The following SLC9B1 variants were observed in gnomAD, a reference collection of about 807,000 sequenced individuals.
SLC9B1 encodes the protein sodium/hydrogen exchanger 9B1.
In SLC9B1, 32 loss-of-function variants were observed where a neutral mutation model predicts 51.7. The ratio of observed to expected loss-of-function variants is 0.62; its 90% CI spans 0.47 to 0.83. The LOEUF is 0.83. SLC9B1 is among the 40% of genes least tolerant of loss of function. The probability of loss-of-function intolerance (pLI) is 0.00; values close to 1 mark genes in which losing one functional copy is unlikely to be tolerated. For synonymous variants in SLC9B1, 145 were observed against 212.7 expected, an observed-to-expected ratio of 0.68 and a Z score of 2.77; for missense variants, 406 against 613.2, an observed-to-expected ratio of 0.66 and a Z score of 3.57.
chr4:102,997,389 G>A (rs1049633228), intron 1 of SLC9B1, among the ~76,000 whole-genome samples: 13 of 152,034 alleles, frequency 8.6e-5, no homozygotes, highest in Non-Finnish European at 1.6e-4. Context: ...AGAACAGTAT[G>A]TCTTTCATTA....
chr4:102,885,263 CT>C lies in SLC9B1; in HGVS notation c.1397del (p.Lys466ArgfsTer35). 2.5e-6 allele frequency: 4 copies of C among 1,614,126 alleles called. No homozygotes were observed. Among genetic ancestry groups the C allele is most frequent in the Non-Finnish European group, 3.4e-6 (4 of 1,180,006 alleles). On this transcript the variant is annotated frameshift_variant, in exon 12 of 12. Transcript: ENST00000394789. LOFTEE classifies it high-confidence loss of function. ...GCCTTTCCTTGGTGTACTCGCACTT[CT>C]TGGCTACCTTGCAGTTCGTCCATTC...
intron 1 of SLC9B1, among the ~76,000 whole-genome samples, chr4:103,013,241 T>C (rs1199531630): frequency 6.6e-6 from 1 of 152,232 alleles, no homozygotes. Flanking sequence ...CTTTATTTGG[T>C]TGGAACATCT....
At chr4:102,931,703 C>T (rs1560934959) in intron 7 of SLC9B1, among the ~76,000 whole-genome samples, 2 of 152,130 alleles carry the variant, frequency 1.3e-5, no homozygotes, top group Admixed American at 6.5e-5. Flanking sequence ...ATATGGCTGA[C>T]CCAGCTCTGT....
At chr4:103,000,055 C>T (rs569279081) in intron 1 of SLC9B1, among the ~76,000 whole-genome samples, 11 of 152,226 alleles carry the variant, frequency 7.2e-5, no homozygotes, top group South Asian at 2.1e-4. Flanking sequence ...CTCATGAGAA[C>T]GCATTCACTG....
intron 11 of SLC9B1, 23 bp from the exon 12 acceptor site, chr4:102,901,355 G>A (rs1156533356): frequency 1.2e-6 from 2 of 1,610,266 alleles, no homozygotes; most frequent in African/African-American, 1.3e-5. Context: ...GTAAAAATGG[G>A]GCATAAAGAA....
At chr4:102,965,483 A>C (rs2110492790) in intron 3 of SLC9B1, among the ~76,000 whole-genome samples, 1 of 152,222 alleles carries the variant, frequency 6.6e-6, no homozygotes, top group South Asian at 2.1e-4. Context: ...GCAAGAACTC[A>C]CTCACTATAT....
chr4:102,895,622 A>G (rs924884770), intron 11 of SLC9B1, among the ~76,000 whole-genome samples: 10 of 152,248 alleles, frequency 6.6e-5, no homozygotes, highest in African/African-American at 2.2e-4. Flanking sequence ...AATTTTAAAC[A>G]TTAAAATTTT....
chr4:102,951,695 C>CA (rs1326782025), intron 3 of SLC9B1, among the ~76,000 whole-genome samples: 47 of 148,240 alleles, frequency 3.2e-4, no homozygotes, highest in East Asian at 2.2e-3. Flanking sequence ...AGCACACACA[C>CA]ACAAAAAAAT....
chr4:102,906,418 A>G (rs1175818791), intron 10 of SLC9B1, 118 bp downstream of exon 10: 1 of 551,892 alleles, frequency 1.8e-6, no homozygotes, highest in Non-Finnish European at 3.1e-6. Context: ...CTGTATCAAC[A>G]TGTGTTTCTG....
intron 1 of SLC9B1, among the ~76,000 whole-genome samples, chr4:103,001,189 G>A (rs1434187851): frequency 2.0e-5 from 3 of 152,220 alleles, no homozygotes; most frequent in East Asian, 3.9e-4. Flanking sequence ...ACCAAGTCCT[G>A]AGAGTGCACA....
intron 6 of SLC9B1, among the ~76,000 whole-genome samples, chr4:102,932,683 C>A (rs1736519303): frequency 6.6e-6 from 1 of 152,218 alleles, no homozygotes; most frequent in Admixed American, 6.5e-5. Context: ...AAAAGGAAAC[C>A]ATAAACCAAA....
intron 1 of SLC9B1, among the ~76,000 whole-genome samples, chr4:103,017,938 TCA>T (rs1229984847): frequency 6.6e-6 from 1 of 152,192 alleles, no homozygotes; most frequent in East Asian, 1.9e-4. Flanking sequence ...TCTACTTAAC[TCA>T]CACTGGTGAG....
chr4:102,945,969 CA>C (rs149222027), intron 5 of SLC9B1, among the ~76,000 whole-genome samples: 2,564 of 151,922 alleles, frequency 0.017, 70 homozygotes, highest in African/African-American at 0.056. Context: ...TTGGATTTTA[CA>C]ATAATGCAAA....
At chr4:102,898,688 G>T (rs1019164086), downstream of SLC9B1, among the ~76,000 whole-genome samples, 2 of 152,176 alleles carry the variant, frequency 1.3e-5, no homozygotes, top group African/African-American at 4.8e-5. Flanking sequence ...AATAGGCAAA[G>T]ATACAAAAAG....
intron 3 of SLC9B1, among the ~76,000 whole-genome samples, chr4:102,985,966 T>C (rs1005226121): frequency 6.6e-6 from 1 of 152,214 alleles, no homozygotes; most frequent in African/African-American, 2.4e-5. Context: ...CATAAATACA[T>C]TATTGCTATT....
intron 1 of SLC9B1, among the ~76,000 whole-genome samples, chr4:103,008,966 A>AT (rs1238647819): frequency 1.3e-5 from 2 of 151,846 alleles, no homozygotes; most frequent in African/African-American, 2.4e-5. Flanking sequence ...CGTCTGGCTA[A>AT]TTTTTTGTAT....
intron 1 of SLC9B1, among the ~76,000 whole-genome samples, chr4:102,993,847 T>C (rs1325213412): frequency 6.6e-6 from 1 of 152,222 alleles, no homozygotes; most frequent in Non-Finnish European, 1.5e-5. Context: ...CCTTGGGGCT[T>C]GCACCCTCTG....
At chr4:102,933,819 A>C (rs1736581542) in intron 6 of SLC9B1, among the ~76,000 whole-genome samples, 1 of 152,214 alleles carries the variant, frequency 6.6e-6, no homozygotes, top group African/African-American at 2.4e-5. Flanking sequence ...TACTTTTATA[A>C]AAATTGTGAA....
At chr4:102,997,107 A>T (rs978642806) in intron 1 of SLC9B1, among the ~76,000 whole-genome samples, 1 of 152,146 alleles carries the variant, frequency 6.6e-6, no homozygotes, top group Admixed American at 6.6e-5. Flanking sequence ...AGATATTGAC[A>T]TCTGGTGTTG....
Sources: allele counts gnomAD v4.1 joint callset (sites outside exome capture counted in the v4.1 genomes callset), GRCh38; gene constraint gnomAD v4.1.1; transcripts MANE v1.5; gene names NCBI Gene and HGNC (gene_info 2026-07-23, HGNC 2026-07-21).